PTPRN2: variants seen among roughly 807,000 people sequenced by gnomAD.
PTPRN2 encodes the protein protein tyrosine phosphatase receptor type N2.
PTPRN2 carries 74 observed loss-of-function variants against 118.8 expected under a neutral mutation model. The ratio of observed to expected loss-of-function variants is 0.62; its 90% CI spans 0.52 to 0.76. The LOEUF (loss-of-function observed/expected upper bound fraction) is 0.76, where lower values mean the gene tolerates loss of function less well. Ranked by LOEUF, PTPRN2 falls within the 30% of genes least tolerant of loss-of-function variation. PTPRN2 has a pLI of 0.00. For synonymous variants in PTPRN2, 641 were observed against 608.0 expected (o/e 1.05, Z -0.80); for missense variants, 1,481 against 1,394.4 (o/e 1.06, Z -0.99).
intron 12 of PTPRN2, among the ~76,000 whole-genome samples, chr7:157,756,317 T>C (rs1310357566): frequency 1.3e-5 from 2 of 151,980 alleles, no homozygotes; most frequent in East Asian, 1.9e-4. Context: ...TTTTTTTTTT[T>C]TGAGACAGGA....
At chr7:158,090,533 G>C (rs1000127013) in intron 10 of PTPRN2, among the ~76,000 whole-genome samples, 1 of 152,084 alleles carries the variant, frequency 6.6e-6, no homozygotes, top group Non-Finnish European at 1.5e-5. Flanking sequence ...TCACTCAGTG[G>C]TTCCACTTGA....
At position 157,962,026 on chromosome 7, in the gene PTPRN2, G is replaced by A. The variant is rs186763626; in HGVS notation, c.1724-63289C>T. ...TCTCACTTTCCCTCCTGCTGAAGAG[G>A]CCTCAGTGCCCGGCGGGTGCACACA... On this transcript the variant is annotated intron_variant, in intron 11 of 22. Coordinates refer to ENST00000389418, the MANE Select transcript of PTPRN2 (RefSeq NM_002847.5). Among the ~76,000 whole-genome samples the A allele has an allele frequency of 3.9e-4, 59 of 152,322 alleles. No individual in the cohort carries two copies. The East Asian group carries it at 9.9e-3, about 25-fold the overall frequency.
intron 1 of PTPRN2, among the ~76,000 whole-genome samples, chr7:158,514,048 C>T (rs1823363382): frequency 6.6e-6 from 1 of 152,202 alleles, no homozygotes; most frequent in South Asian, 2.1e-4. Flanking sequence ...AAGCACCCAG[C>T]ACTCTGCATC....
chr7:157,782,635 A>G (rs1001826794), intron 12 of PTPRN2, among the ~76,000 whole-genome samples: 1 of 152,230 alleles, frequency 6.6e-6, no homozygotes, highest in African/African-American at 2.4e-5. Context: ...AACTGCCCCC[A>G]GGGGTCCCTG....
At chr7:158,336,360 T>C (rs1369797934) in intron 2 of PTPRN2, among the ~76,000 whole-genome samples, 15 of 125,148 alleles carry the variant, frequency 1.2e-4, no homozygotes, top group African/African-American at 4.5e-4. Context: ...ACCCACACTC[T>C]CACCATAAGA....
chr7:158,016,880 G>A (rs550455196), intron 11 of PTPRN2, among the ~76,000 whole-genome samples: 2 of 152,318 alleles, frequency 1.3e-5, no homozygotes, highest in South Asian at 2.1e-4. Context: ...GCTACAAGGT[G>A]AAACTAATCA....
At chr7:158,561,813 G>A (rs1827404580) in intron 1 of PTPRN2, among the ~76,000 whole-genome samples, 1 of 152,170 alleles carries the variant, frequency 6.6e-6, no homozygotes, top group Non-Finnish European at 1.5e-5. Flanking sequence ...CACTAGGGGG[G>A]ACCGTGCCAC....
chr7:158,170,195 T>C (rs4909112), intron 5 of PTPRN2, among the ~76,000 whole-genome samples: 134,863 of 152,168 alleles, frequency 0.89, 60,023 homozygotes, highest in African/African-American at 0.97. Flanking sequence ...ACAGCCCCTC[T>C]AGCAATTTCC....
At chr7:158,081,256 A>T in intron 11 of PTPRN2, 42 bp downstream of exon 11, 1 of 1,538,848 alleles carries the variant, frequency 6.5e-7, no homozygotes, top group Non-Finnish European at 8.9e-7. Context: ...GTGTGTGCAC[A>T]CACGTGTGTG....
At chr7:158,165,821 C>T (rs1822915419) in intron 6 of PTPRN2, among the ~76,000 whole-genome samples, 1 of 152,190 alleles carries the variant, frequency 6.6e-6, no homozygotes, top group East Asian at 1.9e-4. Context: ...CCGCAAACGC[C>T]TTTCTCCCCT....
intron 2 of PTPRN2, among the ~76,000 whole-genome samples, chr7:158,386,945 C>T (rs75831094): frequency 2.6e-5 from 4 of 152,194 alleles, no homozygotes; most frequent in East Asian, 1.9e-4. Context: ...CGACTCCACA[C>T]GGCCCGATCA....
rs765743606 is a variant in PTPRN2 at position 158,093,167 on chromosome 7, A to G, written c.1644-11790T>C. Among the ~76,000 whole-genome samples the G allele has an allele frequency of 1.7e-3, 156 of 92,850 alleles. 1 individual carries two copies. Among genetic ancestry groups the G allele is most frequent in the African/African-American group, 6.1e-3 (133 of 21,732 alleles). 60.9% of individuals were successfully genotyped at this position (92,850 alleles called of 152,430 possible). A position where few individuals can be genotyped will look rare whatever the true frequency, so the allele number is the denominator to read the frequency against. On this transcript the variant is annotated intron_variant, in intron 10 of 22. Coordinates refer to ENST00000389418, the MANE Select transcript of PTPRN2 (RefSeq NM_002847.5). This position sits in a 1 kb window ranked among gnomAD's most constrained non-coding sequence, Gnocchi z 4.4. Reference sequence around the variant, plus strand: ...CTGCCGCTGGACCGACCCCCACACCATAGACCCACACGCAGGCCTGCACCT... The same window carrying G: ...CTGCCGCTGGACCGACCCCCACACCGTAGACCCACACGCAGGCCTGCACCT...
chr7:157,683,025 GA>G, intron 12 of PTPRN2, 88 bp from the exon 13 acceptor site: 2 of 1,201,860 alleles, frequency 1.7e-6, no homozygotes, highest in Non-Finnish European at 2.4e-6. Flanking sequence ...CTTGAAAGTG[GA>G]AAGCTCAGCC....
At chr7:158,328,804 C>A (rs1044833879) in intron 2 of PTPRN2, among the ~76,000 whole-genome samples, 1 of 144,634 alleles carries the variant, frequency 6.9e-6, no homozygotes, top group Admixed American at 6.9e-5. Flanking sequence ...CCCCCCCCCC[C>A]GCCACCCAGG....
intron 11 of PTPRN2, among the ~76,000 whole-genome samples, chr7:157,946,247 A>G (rs988071183): frequency 6.6e-6 from 1 of 152,128 alleles, no homozygotes. Context: ...CCCATGCCTC[A>G]TGGGAGTTTT....
rs1443206049 is a variant in PTPRN2, at chr7:157,861,866, G to A, written c.1788+36807C>T. ...GGATGCTTCGAGGACTCTGTGTGCC[G>A]GAGTCTGTCCTCCCCATCACAGGGA... is the stretch of plus-strand genomic sequence containing the variant. On this transcript the variant is annotated intron_variant, in intron 12 of 22. Transcript: ENST00000389418. The surrounding 1 kb of genome is among the most constrained non-coding windows in gnomAD (Gnocchi z 5.8). 7.9e-5 allele frequency among the ~76,000 whole-genome samples: 12 copies of A among 151,852 alleles called. No homozygotes were observed. Among genetic ancestry groups the A allele is most frequent in the East Asian group, 5.8e-4 (3 of 5,138 alleles).
chr7:157,923,548 C>A (rs1563242445), intron 11 of PTPRN2, among the ~76,000 whole-genome samples: 1 of 152,206 alleles, frequency 6.6e-6, no homozygotes, highest in Admixed American at 6.5e-5. Context: ...AAGACAGGCC[C>A]GAGACCTCCT....
chr7:158,092,624 G>A (rs1162742760), intron 10 of PTPRN2, among the ~76,000 whole-genome samples: 1 of 152,078 alleles, frequency 6.6e-6, no homozygotes, highest in Non-Finnish European at 1.5e-5. Context: ...TGCTCATTCT[G>A]TTTCTTAGTC....
At chr7:158,123,614 G>C (rs1048469805) in intron 9 of PTPRN2, among the ~76,000 whole-genome samples, 1 of 152,166 alleles carries the variant, frequency 6.6e-6, no homozygotes, top group South Asian at 2.1e-4. Context: ...TAGTGGGGCT[G>C]TCCACACCAT....
Sources: allele counts gnomAD v4.1 joint callset (sites outside exome capture counted in the v4.1 genomes callset), GRCh38; gene constraint gnomAD v4.1.1; non-coding constraint Gnocchi (gnomAD v3.1); transcripts MANE v1.5; gene names NCBI Gene and HGNC (gene_info 2026-07-23, HGNC 2026-07-21).